Variants in SEMA4A observed in about 807,000 individuals in gnomAD.
SEMA4A encodes the protein semaphorin 4A.
In SEMA4A, 52 loss-of-function variants were observed where a neutral mutation model predicts 72.5. The ratio of observed to expected loss-of-function variants is 0.72; its 90% CI spans 0.57 to 0.90. The LOEUF (loss-of-function observed/expected upper bound fraction) is 0.90, where lower values mean the gene tolerates loss of function less well. Among genes scored for constraint, SEMA4A ranks in the 40% least tolerant of loss-of-function variants. The pLI is 0.00. For missense variants in SEMA4A, 926 were observed against 959.7 expected, an observed-to-expected ratio of 0.96 and a Z score of 0.46; for synonymous variants, 369 against 393.1, an observed-to-expected ratio of 0.94 and a Z score of 0.73.
chr1:156,163,294 A>C, intron 10 of SEMA4A, 200 bp downstream of exon 10: 1 of 620,004 alleles, frequency 1.6e-6, no homozygotes, highest in South Asian at 1.9e-5. Context: ...CAGTTGCTGG[A>C]GCCATCTCCC....
At position 156,177,077 on chromosome 1, in the gene SEMA4A, T is replaced by A; in HGVS notation, c.*80T>A. 8.0e-7 allele frequency: 1 copy of A among 1,245,840 alleles called. No homozygotes were observed. The highest frequency in any genetic ancestry group is 2.4e-5 in the East Asian group (1 of 41,704). The allele number at this position is 1,245,840 out of a possible 1,614,324, so 77.2% of individuals were successfully genotyped here. A position where few individuals can be genotyped will look rare whatever the true frequency, so the allele number is the denominator to read the frequency against. On this transcript the variant is annotated 3_prime_UTR_variant, in exon 15 of 15. Transcript: ENST00000368285. ...GGCCCAAGCACAGCCCTGACTAGGA[T>A]GACAGCAGCACAAAAGACCACCTTT...
Position 156,172,916 on chromosome 1 carries a change from G to A in SEMA4A, c.1225G>A (p.Val409Met). The change falls in exon 11 of 15, where the codon GTG becomes ATG. Residue 409 changes from valine (V) to methionine (M), a missense_variant. Val to Met is a conservative substitution (Grantham distance 21). Transcript: ENST00000368285. ...DEQVVGTPLL[V>M]KSGVEYTRLA... ...GCAAGTGGTGGGGACGCCCCTGCTG[G>A]TGAAATCTGGCGTGGAGTATACACG... 1 of 1,614,182 alleles carries A rather than the reference G, an allele frequency of 6.2e-7. No homozygotes were observed. Among genetic ancestry groups the A allele is most frequent in the Non-Finnish European group, 8.5e-7 (1 of 1,180,030 alleles).
rs1246929339 is a variant in SEMA4A, at chr1:156,157,024, A to T, written c.300+450A>T. ...TGGGATTACAGGCGTGAGCCACCGC[A>T]CCCGGCCTGTGACTTCACTCTTCAC... is the stretch of plus-strand genomic sequence containing the variant. On this transcript the variant is annotated intron_variant, in intron 3 of 14. Transcript: ENST00000368285. This position sits in a 1 kb window ranked among gnomAD's most constrained non-coding sequence, Gnocchi z 4.5. Among the ~76,000 whole-genome samples the T allele has an allele frequency of 6.6e-6, 1 of 151,730 alleles. No individual in the cohort carries two copies. The highest frequency in any genetic ancestry group is 6.6e-5 in the Admixed American group (1 of 15,234).
rs1653489945 is a variant in SEMA4A, at chr1:156,160,530, A to G, written c.656A>G (p.Lys219Arg). The change falls in exon 7 of 15, where the codon AAG (lysine) becomes AGG (arginine). Residue 219 changes from lysine to arginine, a missense_variant. Physicochemically the swap from Lys to Arg is conservative, Grantham distance 26. Transcript: ENST00000368285. The part of the protein sequence containing the change: ...MRTLGSQPVL[K>R]TDNFLRWLHH... Reference sequence around the variant, plus strand: ...ACACTGGGATCCCAGCCTGTCCTCAAGACCGACAACTTCCTCCGCTGGCTG... The same window carrying G: ...ACACTGGGATCCCAGCCTGTCCTCAGGACCGACAACTTCCTCCGCTGGCTG... 9 of 1,614,022 alleles carry G rather than the reference A, an allele frequency of 5.6e-6. No individual in the cohort carries two copies. Among genetic ancestry groups the G allele is most frequent in the Non-Finnish European group, 7.6e-6 (9 of 1,180,016 alleles).
upstream of SEMA4A, among the ~76,000 whole-genome samples, chr1:156,148,506 G>A (rs768849419): frequency 9.2e-5 from 14 of 152,204 alleles, no homozygotes; most frequent in Non-Finnish European, 1.8e-4. Context: ...GATATGAAGG[G>A]GAAGCAGTCT....
chr1:156,152,591 A>T (rs567575202), upstream of SEMA4A, among the ~76,000 whole-genome samples: 1 of 152,194 alleles, frequency 6.6e-6, no homozygotes, highest in Non-Finnish European at 1.5e-5. Flanking sequence ...AAGTCTTGAC[A>T]GAAACGATTG....
chr1:156,158,169 G>C (rs1276182024), intron 4 of SEMA4A, 37 bp downstream of exon 4: 2 of 1,608,212 alleles, frequency 1.2e-6, no homozygotes, highest in East Asian at 4.5e-5. Flanking sequence ...AGAGTGGGTA[G>C]AGAGCTCTGG....
intron 11 of SEMA4A, 34 bp from the exon 12 acceptor site, chr1:156,174,788 T>C: frequency 6.2e-7 from 1 of 1,609,822 alleles, no homozygotes; most frequent in Non-Finnish European, 8.5e-7. Context: ...GTGGATGAGA[T>C]GAGATGACTT....
chr1:156,177,022 G>A lies in SEMA4A; in HGVS notation c.*25G>A, dbSNP rs367954548. The A allele has an allele frequency of 4.1e-5, 66 of 1,597,234 alleles. No individual in the cohort carries two copies. The African/African-American group carries it at 5.1e-4, about 12-fold the overall frequency. On this transcript the variant is annotated 3_prime_UTR_variant, in exon 15 of 15. Coordinates refer to ENST00000368285, the MANE Select transcript of SEMA4A (RefSeq NM_022367.4). Reference sequence around the variant, plus strand: ...AACTCTAGGCACAGGCCGGGGCTGCGGTGCAGGCACCTGGCCATGCTGGCT... The same window carrying A: ...AACTCTAGGCACAGGCCGGGGCTGCAGTGCAGGCACCTGGCCATGCTGGCT...
At chr1:156,159,275 A>G (rs1363194772) in intron 6 of SEMA4A, among the ~76,000 whole-genome samples, 1 of 152,140 alleles carries the variant, frequency 6.6e-6, no homozygotes, top group Non-Finnish European at 1.5e-5. Context: ...TGGAGGTTGC[A>G]GTGAGCCAAG....
In SEMA4A at chr1:156,160,548, G is replaced by C. The variant is rs1347753554; in HGVS notation, c.674G>C (p.Arg225Pro). ...QPVLKTDNFL[R>P]WLHHDASFVA... ...GTCCTCAAGACCGACAACTTCCTCC[G>C]CTGGCTGCATCGTAAGGACCTGACC... Residue 225 changes from arginine to proline, a missense_variant, in exon 7 of 15, where the codon CGC becomes CCC. Transcript: ENST00000368285. 7.4e-6 allele frequency: 12 copies of C among 1,613,796 alleles called. No individual in the cohort carries two copies. In the South Asian group the frequency reaches 1.3e-4, roughly 18 times the overall value.
upstream of SEMA4A, among the ~76,000 whole-genome samples, chr1:156,149,368 C>T (rs924065079): frequency 6.6e-6 from 1 of 152,198 alleles, no homozygotes; most frequent in Non-Finnish European, 1.5e-5. Context: ...AAACCTTCCC[C>T]TTTTAATACA....
Position 156,174,750 on chromosome 1 carries a change from G to A in SEMA4A, c.1316-72G>A, listed in dbSNP as rs1283145509. On this transcript the variant is annotated intron_variant, in intron 11 of 14. Coordinates refer to ENST00000368285, the MANE Select transcript of SEMA4A (RefSeq NM_022367.4). ...CAGAAGGAGCTTTCTTACAGCTGGG[G>A]AGGCCCCCGGAAGTTGGGAAGGGAT... 2.5e-6 allele frequency: 4 copies of A among 1,602,374 alleles called. No homozygotes were observed. In the African/African-American group the frequency reaches 4.0e-5, roughly 16 times the overall value.
chr1:156,161,309 C>CGGGGGGGGGGGGGGGGGGGG, intron 8 of SEMA4A, 37 bp from the exon 9 acceptor site: 3 of 1,302,408 alleles, frequency 2.3e-6, no homozygotes, highest in East Asian at 5.6e-5. Flanking sequence ...GGGGTCGGGG[C>CGGGGGGGGGGGGGGGGGGGG]GCCCGGGGCG....
In SEMA4A at chr1:156,158,450, C is replaced by T. The variant is rs371685429; in HGVS notation, c.426C>T (p.Cys142=). 3.0e-5 allele frequency: 49 copies of T among 1,613,872 alleles called. No individual in the cohort carries two copies. In the African/African-American group the frequency reaches 4.1e-4, roughly 14 times the overall value. The change falls in exon 5 of 15, where the codon TGC becomes TGT. Residue 142 remains cysteine (C), a synonymous_variant. Transcript: ENST00000368285. ...VSYNVTHLYT[C]GTFAFSPACT... ...ACAATGTCACCCATCTCTACACCTG[C>T]GGCACCTTCGCCTTCAGCCCTGCTT...
intron 10 of SEMA4A, among the ~76,000 whole-genome samples, chr1:156,171,438 G>A (rs1354282728): frequency 6.6e-6 from 1 of 152,190 alleles, no homozygotes; most frequent in Non-Finnish European, 1.5e-5. Flanking sequence ...AAAACCGTGA[G>A]GAGAAATGCT....
At position 156,172,806 on chromosome 1, in the gene SEMA4A, C is replaced by T. The variant is rs1204447395; in HGVS notation, c.1135-20C>T. 6.2e-7 allele frequency: 1 copy of T among 1,613,208 alleles called. No individual in the cohort carries two copies. The highest frequency in any genetic ancestry group is 2.2e-5 in the East Asian group (1 of 44,884). ...AGGGGAAGGGGCAAACCAACCTGAT[C>T]TGCCTCCCTCCTCCTTTAGTGCTCA... On this transcript the variant is annotated intron_variant, in intron 10 of 14. Coordinates refer to ENST00000368285, the MANE Select transcript of SEMA4A (RefSeq NM_022367.4).
chr1:156,170,735 CAG>C (rs1654694437), intron 10 of SEMA4A, among the ~76,000 whole-genome samples: 1 of 142,144 alleles, frequency 7.0e-6, no homozygotes, highest in Admixed American at 7.4e-5. Flanking sequence ...GCCTGGGAGA[CAG>C]AGTGAGACTC....
intron 8 of SEMA4A, 106 bp downstream of exon 8, chr1:156,161,135 C>T (rs1352649789): frequency 5.8e-6 from 4 of 694,340 alleles, no homozygotes; most frequent in Non-Finnish European, 8.3e-6. Flanking sequence ...GGGAGCGGGG[C>T]GGGGAACAAG....
Sources: allele counts gnomAD v4.1 joint callset (sites outside exome capture counted in the v4.1 genomes callset), GRCh38; gene constraint gnomAD v4.1.1; non-coding constraint Gnocchi (gnomAD v3.1); transcripts MANE v1.5; gene names NCBI Gene and HGNC (gene_info 2026-07-23, HGNC 2026-07-21).